NFILZ: variants seen among roughly 807,000 people sequenced by gnomAD.
NFILZ encodes NFIL3 like basic leucine zipper.
At chr19:8,658,811 G>A (rs969543348) in intron 3 of NFILZ, among the ~76,000 whole-genome samples, 26 of 152,324 alleles carry the variant, frequency 1.7e-4, no homozygotes, top group African/African-American at 6.0e-4. Context: ...GTTGCTGGGC[G>A]CAGTGGCTCA....
rs2043124249 is a variant in NFILZ at position 8,678,112 on chromosome 19, TCCATCCATCCATCCC to T, written c.*478_*492del. ...TCCATTCCATCCATCCATCCATCCA[TCCATCCATCCATCCC>T]TCCATCCATTCATCCACTTGTCCGT... On this transcript the variant is annotated 3_prime_UTR_variant, in exon 6 of 6. Coordinates refer to ENST00000691075, the MANE Select transcript of NFILZ (RefSeq NM_001378600.1). Among the ~76,000 whole-genome samples, 1 of 149,472 alleles carries T rather than the reference TCCATCCATCCATCCC, an allele frequency of 6.7e-6. No homozygotes were observed. The highest frequency in any genetic ancestry group is 1.5e-5 in the Non-Finnish European group (1 of 67,294).
intron 3 of NFILZ, among the ~76,000 whole-genome samples, chr19:8,659,574 G>T (rs778203596): frequency 2.9e-4 from 44 of 152,272 alleles, no homozygotes; most frequent in Non-Finnish European, 4.6e-4. Context: ...GGAAGAGAGT[G>T]CAGTCTTGAT....
chr19:8,635,789 T>C (rs931187248), intron 3 of NFILZ, 43 bp downstream of exon 3: 2 of 152,092 alleles, frequency 1.3e-5, no homozygotes, highest in African/African-American at 4.8e-5. Flanking sequence ...TGAGTCCTTA[T>C]TCTCTCTCTC....
Position 8,678,095 on chromosome 19 carries a change from A to T in NFILZ, c.*460A>T, listed in dbSNP as rs2043123393. On this transcript the variant is annotated 3_prime_UTR_variant, in exon 6 of 6. Coordinates refer to ENST00000691075, the MANE Select transcript of NFILZ (RefSeq NM_001378600.1). ...ATCCATCAATCCATCCATCCATTCC[A>T]TCCATCCATCCATCCATCCATCCAT... Among the ~76,000 whole-genome samples the T allele has an allele frequency of 8.0e-6, 1 of 125,006 alleles. No homozygotes were observed. Among genetic ancestry groups the T allele is most frequent in the Non-Finnish European group, 1.7e-5 (1 of 59,670 alleles). The allele number at this position is 125,006 out of a possible 152,430, so 82.0% of individuals were successfully genotyped here.
intron 3 of NFILZ, among the ~76,000 whole-genome samples, chr19:8,638,225 C>T (rs1251505840): frequency 6.6e-6 from 1 of 152,214 alleles, no homozygotes; most frequent in Non-Finnish European, 1.5e-5. Context: ...AGCCAGGCGT[C>T]ACACGCTATG....
chr19:8,660,682 G>C (rs188012582), intron 3 of NFILZ, among the ~76,000 whole-genome samples: 1 of 142,830 alleles, frequency 7.0e-6, no homozygotes, highest in Non-Finnish European at 1.5e-5. Context: ...TTGTTGCCCA[G>C]GTTGGAGTTC....
At chr19:8,634,596 C>T (rs1164291755) in intron 2 of NFILZ, among the ~76,000 whole-genome samples, 3 of 152,080 alleles carry the variant, frequency 2.0e-5, no homozygotes, top group Non-Finnish European at 2.9e-5. Context: ...AATTTACTGG[C>T]CAGGTGTGGT....
chr19:8,659,201 T>A (rs1396963335), intron 3 of NFILZ, among the ~76,000 whole-genome samples: 1 of 149,784 alleles, frequency 6.7e-6, no homozygotes, highest in Non-Finnish European at 1.5e-5. Flanking sequence ...TGAGCCGAGA[T>A]CACACCAGGG....
chr19:8,672,010 G>A lies in NFILZ; in HGVS notation c.-163-2541G>A, dbSNP rs2043089330. ...CAGGCTCACTGCACCTCACTGTTATGGGTTCTGCCCTTTTGAGTATTCCTT... is the reference window on the plus strand; with the variant it reads ...CAGGCTCACTGCACCTCACTGTTATAGGTTCTGCCCTTTTGAGTATTCCTT... On this transcript the variant is annotated intron_variant, in intron 3 of 5. Coordinates refer to ENST00000691075, the MANE Select transcript of NFILZ (RefSeq NM_001378600.1). 2.0e-5 allele frequency among the ~76,000 whole-genome samples: 3 copies of A among 152,274 alleles called. 1 individual carries two copies. In the South Asian group the frequency reaches 6.2e-4, roughly 32 times the overall value.
chr19:8,644,360 G>A (rs1263182770), intron 3 of NFILZ, among the ~76,000 whole-genome samples: 2 of 151,908 alleles, frequency 1.3e-5, no homozygotes, highest in Non-Finnish European at 2.9e-5. Context: ...CTCAGTCTCC[G>A]AAATTGCTGG....
rs571513410 is a variant in NFILZ at position 8,652,340 on chromosome 19, T to C, written c.-164+16594T>C. On this transcript the variant is annotated intron_variant, in intron 3 of 5. Coordinates refer to ENST00000691075, the MANE Select transcript of NFILZ (RefSeq NM_001378600.1). The stretch of plus-strand genomic sequence containing the variant: ...GGATGGTCTCGATCTCCTGACCTAG[T>C]GATCCACTCGCCTCGGCCTCCCAAA... Among the ~76,000 whole-genome samples the C allele has an allele frequency of 2.0e-5, 3 of 152,282 alleles. No homozygotes were observed. The East Asian group carries it at 5.8e-4, about 29-fold the overall frequency.
At chr19:8,647,718 A>G (rs2042945199) in intron 3 of NFILZ, among the ~76,000 whole-genome samples, 1 of 150,918 alleles carries the variant, frequency 6.6e-6, no homozygotes, top group Non-Finnish European at 1.5e-5. Context: ...GAACTGAACA[A>G]TGAGAACACA....
intron 3 of NFILZ, among the ~76,000 whole-genome samples, chr19:8,647,300 G>A (rs192849516): frequency 6.6e-5 from 10 of 152,250 alleles, no homozygotes; most frequent in East Asian, 3.9e-4. Context: ...GGCCAGGCGC[G>A]GTGGCTCATG....
At chr19:8,637,895 A>C (rs1221221351) in intron 3 of NFILZ, among the ~76,000 whole-genome samples, 1 of 147,070 alleles carries the variant, frequency 6.8e-6, no homozygotes, top group African/African-American at 2.5e-5. Flanking sequence ...CGACAAGAGC[A>C]AGACTAAAGA....
chr19:8,661,481 A>G (rs2043031748), intron 3 of NFILZ, among the ~76,000 whole-genome samples: 1 of 152,158 alleles, frequency 6.6e-6, no homozygotes, highest in Admixed American at 6.5e-5. Flanking sequence ...ACTGATTTCA[A>G]TAAGTGTATG....
At chr19:8,647,793 GCGCACACACACACACA>G (rs1407101586) in intron 3 of NFILZ, among the ~76,000 whole-genome samples, 8 of 69,654 alleles carry the variant, frequency 1.1e-4, no homozygotes, top group African/African-American at 4.5e-4. Flanking sequence ...GCGCGCGCGC[GCGCACACACACACACA>G]CACACACACA....
At chr19:8,669,859 C>T (rs1452649175) in intron 3 of NFILZ, among the ~76,000 whole-genome samples, 1 of 152,160 alleles carries the variant, frequency 6.6e-6, no homozygotes, top group Non-Finnish European at 1.5e-5. Context: ...ACCTGGCATA[C>T]AGTAGGTGCT....
intron 3 of NFILZ, among the ~76,000 whole-genome samples, chr19:8,670,260 C>A (rs1218486318): frequency 6.6e-6 from 1 of 152,100 alleles, no homozygotes; most frequent in Non-Finnish European, 1.5e-5. Context: ...AACCACCACA[C>A]ATGGCTAATT....
At chr19:8,634,630 C>A (rs561335826) in intron 2 of NFILZ, among the ~76,000 whole-genome samples, 2 of 152,244 alleles carry the variant, frequency 1.3e-5, no homozygotes, top group Admixed American at 6.5e-5. Context: ...AGTCCCAGCA[C>A]TTTGGGAGGC....
Sources: allele counts gnomAD v4.1 joint callset (sites outside exome capture counted in the v4.1 genomes callset), GRCh38; gene constraint gnomAD v4.1.1; transcripts MANE v1.5; gene names NCBI Gene and HGNC (gene_info 2026-07-23, HGNC 2026-07-21).